PRKG1: variants seen among roughly 807,000 people sequenced by gnomAD.
PRKG1 encodes the protein protein kinase cGMP-dependent 1.
In PRKG1, 35 loss-of-function variants were observed where a neutral mutation model predicts 88.1. That is an observed-to-expected ratio of 0.40 (90% CI 0.30 to 0.53). The LOEUF is 0.53. Ranked by LOEUF, PRKG1 falls within the 20% of genes least tolerant of loss-of-function variation. The pLI is 0.59. For missense variants in PRKG1, 540 were observed against 839.8 expected (o/e 0.64, Z 4.41); for synonymous variants, 303 against 292.5 (o/e 1.04, Z -0.37).
At chr10:52,059,851 A>G (rs1044432129) in intron 6 of PRKG1, among the ~76,000 whole-genome samples, 5 of 151,978 alleles carry the variant, frequency 3.3e-5, no homozygotes, top group Admixed American at 6.6e-5. Flanking sequence ...TGTAACTAAA[A>G]TACGTTTTTA....
At chr10:51,609,243 A>T (rs1031102076) in intron 3 of PRKG1, among the ~76,000 whole-genome samples, 1 of 152,140 alleles carries the variant, frequency 6.6e-6, no homozygotes, top group African/African-American at 2.4e-5. Context: ...TACTATATTC[A>T]TGTCCTAGGC....
intron 1 of PRKG1, among the ~76,000 whole-genome samples, chr10:51,017,980 A>AATT (rs1310984118): frequency 2.0e-5 from 3 of 151,564 alleles, no homozygotes; most frequent in Middle Eastern, 3.4e-3. Context: ...ACATTAAGCT[A>AATT]ATTATTATTA....
intron 9 of PRKG1, among the ~76,000 whole-genome samples, chr10:52,195,732 C>G (rs1047851453): frequency 1.6e-4 from 24 of 152,022 alleles, no homozygotes; most frequent in African/African-American, 4.1e-4. Context: ...TTTAGAGTGT[C>G]CGAATGACAA....
At chr10:51,356,363 A>T (rs1842366773) in intron 2 of PRKG1, among the ~76,000 whole-genome samples, 1 of 152,024 alleles carries the variant, frequency 6.6e-6, no homozygotes, top group Admixed American at 6.6e-5. Context: ...ATGAGGTCCA[A>T]GACAGAAAAG....
At chr10:51,118,970 A>G (rs189192838) in intron 1 of PRKG1, among the ~76,000 whole-genome samples, 60 of 152,242 alleles carry the variant, frequency 3.9e-4, no homozygotes, top group Admixed American at 6.5e-4. Context: ...TAGAAAAAAT[A>G]AAAAGGAAAT....
intron 2 of PRKG1, among the ~76,000 whole-genome samples, chr10:51,305,722 G>A (rs1841018663): frequency 6.6e-6 from 1 of 152,090 alleles, no homozygotes; most frequent in African/African-American, 2.4e-5. Flanking sequence ...CAGCTTTCTG[G>A]AGCAATTGTT....
At chr10:51,715,850 G>A (rs564165644) in intron 3 of PRKG1, among the ~76,000 whole-genome samples, 2 of 152,340 alleles carry the variant, frequency 1.3e-5, no homozygotes, top group East Asian at 3.9e-4. Flanking sequence ...TCCATCAAAA[G>A]TGTTGACATT....
chr10:51,136,236 A>G lies in PRKG1; in HGVS notation c.312-16928A>G, dbSNP rs535617989. On this transcript the variant is annotated intron_variant, in intron 1 of 17. Transcript: ENST00000373980. ...ATTTTGAGCAATTGGGTAGGTGGTG[A>G]TGTTCCCAGTTGAGGTTAAAAGTCC... Among the ~76,000 whole-genome samples the G allele has an allele frequency of 1.7e-4, 26 of 152,110 alleles. No homozygotes were observed. In the East Asian group the frequency reaches 5.0e-3, roughly 30 times the overall value.
At chr10:52,133,704 A>G in intron 7 of PRKG1, 136 bp from the exon 8 acceptor site, 1 of 670,424 alleles carries the variant, frequency 1.5e-6, no homozygotes, top group Non-Finnish European at 2.4e-6. Flanking sequence ...TTTGAAACAT[A>G]AACAAAGCTT....
At chr10:51,126,633 G>T (rs781052553) in intron 1 of PRKG1, among the ~76,000 whole-genome samples, 1 of 151,196 alleles carries the variant, frequency 6.6e-6, no homozygotes, top group Non-Finnish European at 1.5e-5. Context: ...ATTTCATTTG[G>T]AACCCAAAAG....
intron 5 of PRKG1, among the ~76,000 whole-genome samples, chr10:52,041,063 T>A (rs1222486189): frequency 3.9e-5 from 6 of 152,050 alleles, no homozygotes; most frequent in African/African-American, 1.4e-4. Context: ...AGTTTTGAAC[T>A]CCTGACCTCA....
At chr10:52,071,776 C>T (rs979112724) in intron 7 of PRKG1, among the ~76,000 whole-genome samples, 35 of 152,132 alleles carry the variant, frequency 2.3e-4, no homozygotes, top group African/African-American at 8.4e-4. Context: ...ATTGAAGCAT[C>T]TCTATGTACC....
rs139763239 is a variant in PRKG1 at position 51,419,420 on chromosome 10, C to T, written c.479-48303C>T. Reference sequence around the variant, plus strand: ...CCTCCATGGATAAAGAAGAACATGACGTTTTTTGGTCATTATTATTATTGC... The same window carrying T: ...CCTCCATGGATAAAGAAGAACATGATGTTTTTTGGTCATTATTATTATTGC... On this transcript the variant is annotated intron_variant, in intron 2 of 17. Transcript: ENST00000373980. Among the ~76,000 whole-genome samples, 729 of 152,172 alleles carry T rather than the reference C, an allele frequency of 4.8e-3. 7 individuals carry two copies. The highest frequency in any genetic ancestry group is 0.017 in the African/African-American group (703 of 41,520).
At chr10:51,826,622 C>T (rs12258521) in intron 4 of PRKG1, among the ~76,000 whole-genome samples, 31,898 of 152,054 alleles carry the variant, frequency 0.21, 5,381 homozygotes, top group African/African-American at 0.47. Flanking sequence ...ACAGGGATTG[C>T]CTCTTAGGAG....
At chr10:51,596,275 G>A (rs1453344993) in intron 3 of PRKG1, among the ~76,000 whole-genome samples, 2 of 152,152 alleles carry the variant, frequency 1.3e-5, no homozygotes, top group African/African-American at 2.4e-5. Context: ...TAATTGTTGC[G>A]TGAATGGTTG....
At chr10:50,992,739 C>A (rs995252646) in intron 1 of PRKG1, among the ~76,000 whole-genome samples, 1 of 152,038 alleles carries the variant, frequency 6.6e-6, no homozygotes, top group Non-Finnish European at 1.5e-5. Flanking sequence ...GAAGGCTGAT[C>A]GATTGGCTGC....
chr10:52,072,956 T>C (rs1158875802), intron 7 of PRKG1, among the ~76,000 whole-genome samples: 1 of 152,198 alleles, frequency 6.6e-6, no homozygotes, highest in Non-Finnish European at 1.5e-5. Context: ...GCTAAAACAA[T>C]AGCAATTTAT....
At chr10:52,020,820 C>T (rs1200525062) in intron 5 of PRKG1, among the ~76,000 whole-genome samples, 1 of 152,056 alleles carries the variant, frequency 6.6e-6, no homozygotes, top group Admixed American at 6.6e-5. Context: ...ACTGCACGTG[C>T]CCCGGCTCAC....
intron 7 of PRKG1, among the ~76,000 whole-genome samples, chr10:52,074,081 T>C (rs1190664074): frequency 1.3e-5 from 2 of 152,238 alleles, no homozygotes; most frequent in Non-Finnish European, 2.9e-5. Flanking sequence ...AATGTTTTAG[T>C]GTGTACCTTA....
Sources: allele counts gnomAD v4.1 joint callset (sites outside exome capture counted in the v4.1 genomes callset), GRCh38; gene constraint gnomAD v4.1.1; transcripts MANE v1.5; gene names NCBI Gene and HGNC (gene_info 2026-07-23, HGNC 2026-07-21).